RGS20: variants seen among roughly 807,000 people sequenced by gnomAD.
RGS20 encodes the protein regulator of G protein signaling 20, also known as gz-selective GTPase-activating protein.
RGS20 carries 30 observed loss-of-function variants against 33.6 expected under a neutral mutation model. That is an observed-to-expected ratio of 0.89 (90% CI 0.67 to 1.21). The LOEUF (loss-of-function observed/expected upper bound fraction) is 1.21. Ranked by LOEUF, RGS20 falls within the 50% of genes most tolerant of loss-of-function variation. The pLI is 0.00. For missense variants in RGS20, 472 were observed against 502.4 expected (o/e 0.94, Z 0.58); for synonymous variants, 208 against 197.9 (o/e 1.05, Z -0.43).
intron 2 of RGS20, among the ~76,000 whole-genome samples, chr8:53,894,910 C>T (rs374315388): frequency 6.6e-6 from 1 of 152,232 alleles, no homozygotes; most frequent in East Asian, 1.9e-4. Context: ...GCCATTGAAG[C>T]CCACAGGAGG....
chr8:53,957,647 G>A (rs1326409479), intron 5 of RGS20, among the ~76,000 whole-genome samples: 1 of 152,238 alleles, frequency 6.6e-6, no homozygotes, highest in Non-Finnish European at 1.5e-5. Context: ...TGTGAGCCCT[G>A]CCAGCATCAC....
chr8:53,891,003 G>T (rs1812696011), intron 2 of RGS20, among the ~76,000 whole-genome samples: 1 of 152,126 alleles, frequency 6.6e-6, no homozygotes, highest in African/African-American at 2.4e-5. Flanking sequence ...TTTTAAGTTT[G>T]TTCTTTGCCT....
At chr8:53,887,474 C>T (rs1812581224) in intron 2 of RGS20, among the ~76,000 whole-genome samples, 2 of 152,098 alleles carry the variant, frequency 1.3e-5, no homozygotes, top group Admixed American at 6.5e-5. Context: ...TTGGAAAAAT[C>T]TGCATTTTGG....
intron 2 of RGS20, among the ~76,000 whole-genome samples, chr8:53,912,109 A>G (rs1204264107): frequency 1.3e-5 from 2 of 152,208 alleles, no homozygotes; most frequent in Admixed American, 6.5e-5. Context: ...TCCTATGCAT[A>G]GGAATAACCA....
chr8:53,927,641 A>G (rs764657625), intron 2 of RGS20, among the ~76,000 whole-genome samples: 21 of 152,166 alleles, frequency 1.4e-4, no homozygotes, highest in Non-Finnish European at 2.9e-4. Context: ...TGTGACTTAC[A>G]TGGTCATCCC....
intron 4 of RGS20, among the ~76,000 whole-genome samples, chr8:53,953,196 CCT>C: frequency 6.6e-6 from 1 of 152,112 alleles, no homozygotes; most frequent in African/African-American, 2.4e-5. Flanking sequence ...ACTTGCACCC[CCT>C]AATTATAGTT....
In RGS20 at chr8:53,883,201, G is replaced by A. The variant is rs112747761; in HGVS notation, c.510+3599G>A. On this transcript the variant is annotated intron_variant, in intron 2 of 5. Transcript: ENST00000297313. ...GACTGAGTTTCGCTCTTGTGGCCCA[G>A]GCTGGAGTGCAATGGCGCGATCTCG... Among the ~76,000 whole-genome samples the A allele has an allele frequency of 8.6e-3, 1,304 of 151,240 alleles. 22 individuals are homozygous for A. The highest frequency in any genetic ancestry group is 0.03 in the African/African-American group (1,219 of 41,170).
chr8:53,872,835 A>C (rs74347653), intron 1 of RGS20, among the ~76,000 whole-genome samples: 2 of 152,014 alleles, frequency 1.3e-5, no homozygotes, highest in African/African-American at 4.8e-5. Context: ...TCACATCTTG[A>C]GGGTTTTTTT....
At chr8:53,881,224 C>G in intron 2 of RGS20, 140 bp downstream of exon 1, 3 of 589,078 alleles carry the variant, frequency 5.1e-6, no homozygotes, top group Non-Finnish European at 5.4e-6. Context: ...GGGCGGGAGC[C>G]GGTGCGAGTC....
chr8:53,927,302 C>T (rs1046304114), intron 2 of RGS20, among the ~76,000 whole-genome samples: 3 of 149,570 alleles, frequency 2.0e-5, no homozygotes, highest in Admixed American at 6.7e-5. Flanking sequence ...TGGGCTCAAA[C>T]GATCTTCTCA....
In RGS20 at chr8:53,929,352, C is replaced by T. The variant is rs565486477; in HGVS notation, c.511-10224C>T. Among the ~76,000 whole-genome samples the T allele has an allele frequency of 5.9e-5, 9 of 152,226 alleles. 1 individual carries two copies. Among genetic ancestry groups the T allele is most frequent in the Middle Eastern group, 3.4e-3 (1 of 294 alleles). The stretch of plus-strand genomic sequence containing the variant: ...GCTGTTTTTAAAAATGTATACAATT[C>T]CAGAGCTCTCCAGTCTCAAAAATTT... On this transcript the variant is annotated intron_variant, in intron 2 of 5. Transcript: ENST00000297313.
At chr8:53,874,413 TGC>T (rs1812151575) in intron 1 of RGS20, among the ~76,000 whole-genome samples, 1 of 150,620 alleles carries the variant, frequency 6.6e-6, no homozygotes, top group South Asian at 2.1e-4. Context: ...CGCGCGCGTG[TGC>T]TTGCGTGCAT....
intron 2 of RGS20, among the ~76,000 whole-genome samples, chr8:53,888,907 T>C (rs1456653025): frequency 1.3e-5 from 2 of 152,258 alleles, no homozygotes; most frequent in Non-Finnish European, 2.9e-5. Flanking sequence ...TTTTTAATGC[T>C]GTGCAGCGTT....
intron 5 of RGS20, among the ~76,000 whole-genome samples, chr8:53,956,883 C>T (rs779687443): frequency 6.6e-6 from 1 of 152,134 alleles, no homozygotes; most frequent in Admixed American, 6.5e-5. Flanking sequence ...CACAGTGGCT[C>T]ACGCCTGTAA....
intron 2 of RGS20, among the ~76,000 whole-genome samples, chr8:53,901,804 G>A (rs1813041353): frequency 6.6e-6 from 1 of 151,954 alleles, no homozygotes; most frequent in African/African-American, 2.4e-5. Context: ...GTATGATCAT[G>A]CCTCCAAATA....
At chr8:53,886,234 C>T (rs1179197170) in intron 2 of RGS20, among the ~76,000 whole-genome samples, 2 of 152,112 alleles carry the variant, frequency 1.3e-5, no homozygotes, top group Non-Finnish European at 2.9e-5. Context: ...AGAGTTAAGG[C>T]GACGCTGCTT....
At chr8:53,940,931 G>A (rs1814273251) in intron 3 of RGS20, among the ~76,000 whole-genome samples, 1 of 152,154 alleles carries the variant, frequency 6.6e-6, no homozygotes, top group South Asian at 2.1e-4. Context: ...GCATTTAGGG[G>A]CCTATATTCT....
intron 2 of RGS20, among the ~76,000 whole-genome samples, chr8:53,918,100 C>T (rs1813541465): frequency 6.6e-6 from 1 of 152,164 alleles, no homozygotes; most frequent in African/African-American, 2.4e-5. Flanking sequence ...ATAAATCATA[C>T]ACCGTAAGGC....
chr8:53,921,436 G>GCTTTT (rs1813641968), intron 2 of RGS20, among the ~76,000 whole-genome samples: 1 of 150,064 alleles, frequency 6.7e-6, no homozygotes, highest in Non-Finnish European at 1.5e-5. Flanking sequence ...GCTGAGCTGA[G>GCTTTT]CTTTTCTTTT....
Sources: gnomAD v4.1 joint callset for allele counts (sites outside exome capture counted in the v4.1 genomes callset) on GRCh38, gnomAD v4.1.1 for gene constraint, MANE v1.5 for transcripts, NCBI Gene and HGNC (gene_info 2026-07-23, HGNC 2026-07-21) for gene names.